The following NOS1AP variants were observed in gnomAD, a reference collection of about 807,000 sequenced individuals.
The protein encoded by NOS1AP is carboxyl-terminal PDZ ligand of neuronal nitric oxide synthase protein.
In NOS1AP, 21 loss-of-function variants were observed where a neutral mutation model predicts 56.2. The ratio of observed to expected loss-of-function variants is 0.37; its 90% CI spans 0.26 to 0.54. The LOEUF is 0.54. Among genes scored for constraint, NOS1AP ranks in the 20% least tolerant of loss-of-function variants. The probability of loss-of-function intolerance (pLI) is 0.84; values close to 1 mark genes in which losing one functional copy is unlikely to be tolerated. For missense variants in NOS1AP, 522 were observed against 657.8 expected (o/e 0.79, Z 2.26); for synonymous variants, 270 against 274.6 (o/e 0.98, Z 0.17).
chr1:162,261,537 A>G (rs1271576413), intron 2 of NOS1AP, among the ~76,000 whole-genome samples: 1 of 43,432 alleles, frequency 2.3e-5, no homozygotes, highest in African/African-American at 6.7e-5. Flanking sequence ...AGAGAGAGAG[A>G]GAGAGAGAGC....
chr1:162,079,622 G>A (rs74980184), intron 1 of NOS1AP, among the ~76,000 whole-genome samples: 2,632 of 152,240 alleles, frequency 0.017, 84 homozygotes, highest in African/African-American at 0.059. Context: ...CTCATACTTC[G>A]TAGGGTTAAT....
chr1:162,307,348 G>C (rs1204030830), intron 4 of NOS1AP, among the ~76,000 whole-genome samples: 1 of 152,170 alleles, frequency 6.6e-6, no homozygotes, highest in Non-Finnish European at 1.5e-5. Context: ...TTTAAAACTA[G>C]GGGGAGTAAA....
chr1:162,354,906 T>A (rs1006684037), intron 6 of NOS1AP, among the ~76,000 whole-genome samples: 3 of 152,252 alleles, frequency 2.0e-5, no homozygotes, highest in Admixed American at 6.5e-5. Flanking sequence ...CTTCTTCCAG[T>A]GTACCTTGTC....
At chr1:162,366,057 G>A (rs533225092) in intron 9 of NOS1AP, among the ~76,000 whole-genome samples, 1 of 152,204 alleles carries the variant, frequency 6.6e-6, no homozygotes, top group Non-Finnish European at 1.5e-5. Context: ...CTGTTCAGTG[G>A]ATAAGGCAGT....
At chr1:162,317,644 A>G (rs892929474) in intron 4 of NOS1AP, 8 of 152,180 alleles carry the variant, frequency 5.3e-5, no homozygotes, top group African/African-American at 1.7e-4. Context: ...CAGCCCTCGT[A>G]TATCTACATG....
intron 4 of NOS1AP, among the ~76,000 whole-genome samples, chr1:162,303,289 G>A (rs983247165): frequency 2.6e-5 from 4 of 152,158 alleles, no homozygotes; most frequent in Non-Finnish European, 5.9e-5. Context: ...TTTCTAAAGG[G>A]ATACCACCAG....
intron 2 of NOS1AP, among the ~76,000 whole-genome samples, chr1:162,234,010 G>A (rs1027041914): frequency 2.6e-5 from 4 of 152,196 alleles, no homozygotes; most frequent in Non-Finnish European, 5.9e-5. Flanking sequence ...GGACATACAT[G>A]AAGATGAATA....
chr1:162,320,682 C>T (rs545529509), intron 4 of NOS1AP, among the ~76,000 whole-genome samples: 4 of 152,102 alleles, frequency 2.6e-5, no homozygotes, highest in Admixed American at 6.5e-5. Flanking sequence ...GGTGAAACCC[C>T]GTCTCTACTA....
intron 4 of NOS1AP, among the ~76,000 whole-genome samples, chr1:162,324,496 G>A (rs988851980): frequency 7.4e-6 from 1 of 135,662 alleles, no homozygotes; most frequent in Middle Eastern, 5.0e-3. Context: ...CCAGTACTTG[G>A]CATTTAGAAA....
intron 3 of NOS1AP, among the ~76,000 whole-genome samples, chr1:162,288,426 A>T (rs1655159668): frequency 6.6e-6 from 1 of 152,190 alleles, no homozygotes; most frequent in African/African-American, 2.4e-5. Flanking sequence ...TGTGGAGGTT[A>T]TGGAAGCAAA....
intron 2 of NOS1AP, among the ~76,000 whole-genome samples, chr1:162,233,792 G>A (rs1214836608): frequency 1.3e-5 from 2 of 152,160 alleles, no homozygotes; most frequent in Non-Finnish European, 2.9e-5. Context: ...GATTTTCTTG[G>A]CCTACTAAGT....
At chr1:162,345,159 T>C (rs1657243020) in intron 6 of NOS1AP, among the ~76,000 whole-genome samples, 1 of 152,166 alleles carries the variant, frequency 6.6e-6, no homozygotes, top group African/African-American at 2.4e-5. Flanking sequence ...TTTTCTTTTT[T>C]TCTTTTATTA....
chr1:162,285,686 C>G (rs770533958), intron 2 of NOS1AP, among the ~76,000 whole-genome samples: 3 of 152,136 alleles, frequency 2.0e-5, no homozygotes, highest in Non-Finnish European at 2.9e-5. Flanking sequence ...TTACTCTTTA[C>G]TGTTAGTTGG....
chr1:162,334,683 T>C (rs1023745299), intron 5 of NOS1AP, among the ~76,000 whole-genome samples: 6 of 152,246 alleles, frequency 3.9e-5, no homozygotes, highest in Non-Finnish European at 8.8e-5. Context: ...GACTGGACCA[T>C]GTGGACCTTG....
chr1:162,251,562 C>T (rs113308791), intron 2 of NOS1AP, among the ~76,000 whole-genome samples: 1 of 151,544 alleles, frequency 6.6e-6, no homozygotes, highest in African/African-American at 2.4e-5. Context: ...AGTCAAGCTC[C>T]AATCTGTCTC....
At chr1:162,273,829 T>A (rs1654660687) in intron 2 of NOS1AP, among the ~76,000 whole-genome samples, 1 of 152,204 alleles carries the variant, frequency 6.6e-6, no homozygotes, top group East Asian at 1.9e-4. Context: ...TTGTTAAAAA[T>A]TTGTTTTACA....
intron 1 of NOS1AP, among the ~76,000 whole-genome samples, chr1:162,085,932 G>A (rs769297978): frequency 9.2e-5 from 14 of 152,060 alleles, no homozygotes; most frequent in Non-Finnish European, 1.0e-4. Context: ...CTCTTTTATA[G>A]TTGCTGCTAC....
At chr1:162,348,971 AGG>A (rs1657394050) in intron 6 of NOS1AP, among the ~76,000 whole-genome samples, 1 of 152,200 alleles carries the variant, frequency 6.6e-6, no homozygotes, top group African/African-American at 2.4e-5. Flanking sequence ...AGATCACCTG[AGG>A]TCGGGAGTTC....
At chr1:162,330,316 T>C (rs1268887545) in intron 4 of NOS1AP, among the ~76,000 whole-genome samples, 1 of 152,230 alleles carries the variant, frequency 6.6e-6, no homozygotes, top group East Asian at 1.9e-4. Context: ...TGCCAATCAC[T>C]GTGCTGGCAC....
Sources: gnomAD v4.1 joint callset for allele counts (sites outside exome capture counted in the v4.1 genomes callset) on GRCh38, gnomAD v4.1.1 for gene constraint, MANE v1.5 for transcripts, NCBI Gene and HGNC (gene_info 2026-07-23, HGNC 2026-07-21) for gene names.